Variants in COL23A1 observed in about 807,000 individuals in gnomAD.
COL23A1 encodes the protein collagen alpha-1(XXIII) chain.
A neutral mutation model predicts 99.3 loss-of-function variants in COL23A1; 97 were observed. That is an observed-to-expected ratio of 0.98 (90% CI 0.83 to 1.16). COL23A1 has a LOEUF of 1.16. Among genes scored for constraint, COL23A1 ranks in the 50% most tolerant of loss-of-function variants. COL23A1 has a pLI of 0.00. For missense variants in COL23A1, 762 were observed against 757.4 expected, an observed-to-expected ratio of 1.01 and a Z score of -0.07; for synonymous variants, 320 against 308.2, an observed-to-expected ratio of 1.04 and a Z score of -0.40.
At chr5:178,515,592 A>G (rs1240443356) in intron 2 of COL23A1, among the ~76,000 whole-genome samples, 6 of 152,138 alleles carry the variant, frequency 3.9e-5, no homozygotes, top group African/African-American at 1.4e-4. Context: ...TTCACCCAGG[A>G]AAACAGAAGG....
In COL23A1 at chr5:178,313,903, TC is replaced by T. The variant is rs900044756; in HGVS notation, c.362-6985del. Among the ~76,000 whole-genome samples, 4 of 152,206 alleles carry T rather than the reference TC, an allele frequency of 2.6e-5. No individual in the cohort carries two copies. Among genetic ancestry groups the T allele is most frequent in the Non-Finnish European group, 5.9e-5 (4 of 68,008 alleles). On this transcript the variant is annotated intron_variant, in intron 2 of 28. Transcript: ENST00000390654. The surrounding 1 kb of genome is among the most constrained non-coding windows in gnomAD (Gnocchi z 4.2). ...TCCGAGACCAGATCATTAAAACATC[TC>T]CCCAGACCATTTCATTTGTTTTACA...
intron 1 of COL23A1, among the ~76,000 whole-genome samples, chr5:178,577,231 G>A (rs186890653): frequency 0.011 from 1,658 of 152,298 alleles, 19 homozygotes; most frequent in Non-Finnish European, 0.017. Flanking sequence ...GTCCTGGCGG[G>A]GCCTGCTTCT....
rs199785499 is a variant in COL23A1, at chr5:178,566,815, C to CAA, written c.295-6069_295-6068dup. ...TGGGCGACAGAGTGAGACTCTGTCTCAAAAAAAAAAGAAAGAAAGAAAAGA... is the reference window on the plus strand; with the variant it reads ...TGGGCGACAGAGTGAGACTCTGTCTCAAAAAAAAAAAAGAAAGAAAGAAAAGA... On this transcript the variant is annotated intron_variant, in intron 1 of 28. Transcript: ENST00000390654. Among the ~76,000 whole-genome samples, 10 of 136,712 alleles carry CAA rather than the reference C, an allele frequency of 7.3e-5. No individual in the cohort carries two copies. In the South Asian group the frequency reaches 1.2e-3, roughly 16 times the overall value. The allele number at this position is 136,712 out of a possible 152,430, so 89.7% of individuals were successfully genotyped here. A position where few individuals can be genotyped will look rare whatever the true frequency, so the allele number is the denominator to read the frequency against.
At chr5:178,491,634 C>T (rs1285908695) in intron 2 of COL23A1, among the ~76,000 whole-genome samples, 1 of 152,082 alleles carries the variant, frequency 6.6e-6, no homozygotes, top group Non-Finnish European at 1.5e-5. Context: ...GAGCGGACCA[C>T]AGAGCCTGGG....
chr5:178,341,962 A>C (rs1581184293), intron 2 of COL23A1, among the ~76,000 whole-genome samples: 1 of 151,988 alleles, frequency 6.6e-6, no homozygotes, highest in South Asian at 2.1e-4. Flanking sequence ...GATTGCCCTC[A>C]CCTGCCTACC....
At chr5:178,414,719 C>T (rs923851393) in intron 2 of COL23A1, among the ~76,000 whole-genome samples, 1 of 152,258 alleles carries the variant, frequency 6.6e-6, no homozygotes, top group South Asian at 2.1e-4. Context: ...TTGCAGTGAG[C>T]TGAGATGACA....
chr5:178,406,606 T>A (rs772583482), intron 2 of COL23A1, among the ~76,000 whole-genome samples: 27 of 152,200 alleles, frequency 1.8e-4, no homozygotes, highest in Admixed American at 3.9e-4. Flanking sequence ...ATTTTTGTAT[T>A]TTTAGTAGAG....
At chr5:178,314,228 T>TC (rs11347950) in intron 2 of COL23A1, among the ~76,000 whole-genome samples, 8 of 151,626 alleles carry the variant, frequency 5.3e-5, no homozygotes, top group Admixed American at 3.3e-4. Flanking sequence ...GCTGCTTACG[T>TC]CCCCCCCAGA....
intron 2 of COL23A1, among the ~76,000 whole-genome samples, chr5:178,368,209 T>G (rs540299189): frequency 3.7e-4 from 57 of 152,182 alleles, no homozygotes; most frequent in Non-Finnish European, 7.4e-4. Context: ...AAATTCCTCA[T>G]GGCTAGGACA....
intron 2 of COL23A1, among the ~76,000 whole-genome samples, chr5:178,369,173 G>C (rs1284023241): frequency 2.6e-5 from 4 of 152,210 alleles, no homozygotes; most frequent in Non-Finnish European, 5.9e-5. Flanking sequence ...GCAGGCCTCA[G>C]GGAGGCTGGC....
At chr5:178,406,427 TC>T (rs1764765068) in intron 2 of COL23A1, among the ~76,000 whole-genome samples, 1 of 125,234 alleles carries the variant, frequency 8.0e-6, no homozygotes. Flanking sequence ...ATACCTACAC[TC>T]TTTTTTTTTT....
At chr5:178,435,639 C>T (rs1224740932) in intron 2 of COL23A1, among the ~76,000 whole-genome samples, 1 of 152,168 alleles carries the variant, frequency 6.6e-6, no homozygotes, top group Non-Finnish European at 1.5e-5. Context: ...TCCCGGGCAG[C>T]TGCAGAATTT....
chr5:178,453,970 G>A (rs1034818151), intron 2 of COL23A1, among the ~76,000 whole-genome samples: 1 of 152,198 alleles, frequency 6.6e-6, no homozygotes, highest in Admixed American at 6.5e-5. Context: ...GCCAAAGTTT[G>A]TAAGATAAAA....
intron 2 of COL23A1, among the ~76,000 whole-genome samples, chr5:178,553,899 C>T (rs989457372): frequency 1.3e-5 from 2 of 152,206 alleles, no homozygotes; most frequent in Admixed American, 1.3e-4. Context: ...CTGATGGCGA[C>T]GGACCTAACA....
intron 2 of COL23A1, among the ~76,000 whole-genome samples, chr5:178,467,494 A>G (rs1225767683): frequency 1.3e-5 from 2 of 152,108 alleles, no homozygotes; most frequent in African/African-American, 2.4e-5. Flanking sequence ...GTAGAGTGCA[A>G]TCTGTGCTCT....
chr5:178,264,511 C>A (rs1412781278), intron 8 of COL23A1, among the ~76,000 whole-genome samples: 2 of 152,026 alleles, frequency 1.3e-5, no homozygotes, highest in East Asian at 3.9e-4. Context: ...TACCCACTGC[C>A]CCAGCAGTGC....
chr5:178,286,788 C>T lies in COL23A1; in HGVS notation c.441+1536G>A, dbSNP rs571918758. Among the ~76,000 whole-genome samples the T allele has an allele frequency of 1.2e-3, 188 of 152,260 alleles. 1 individual carries two copies. The highest frequency in any genetic ancestry group is 3.5e-3 in the South Asian group (17 of 4,824). On this transcript the variant is annotated intron_variant, in intron 5 of 28. Coordinates refer to ENST00000390654, the MANE Select transcript of COL23A1 (RefSeq NM_173465.4). The stretch of plus-strand genomic sequence containing the variant: ...GAGAACAAGCCCCCTGCCCCTCCCC[C>T]GGGGCAGCAGGCAGCATCCTCTCCG...
At chr5:178,345,777 A>G (rs1289754920) in intron 2 of COL23A1, among the ~76,000 whole-genome samples, 2 of 151,764 alleles carry the variant, frequency 1.3e-5, no homozygotes, top group Non-Finnish European at 2.9e-5. Context: ...TGTCTGCCTC[A>G]GCCTCCCAAA....
chr5:178,358,385 G>GTGTGTA (rs774582027), intron 2 of COL23A1, among the ~76,000 whole-genome samples: 2 of 140,832 alleles, frequency 1.4e-5, no homozygotes, highest in African/African-American at 5.1e-5. Context: ...TATGTCTAAT[G>GTGTGTA]TGTGTATGTG....
Sources: allele counts gnomAD v4.1 joint callset (sites outside exome capture counted in the v4.1 genomes callset), GRCh38; gene constraint gnomAD v4.1.1; non-coding constraint Gnocchi (gnomAD v3.1); transcripts MANE v1.5; gene names NCBI Gene and HGNC (gene_info 2026-07-23, HGNC 2026-07-21).